UBE2E2: variants seen among roughly 807,000 people sequenced by gnomAD.
The protein encoded by UBE2E2 is ubiquitin-conjugating enzyme E2 E2.
In UBE2E2, 6 loss-of-function variants were observed where a neutral mutation model predicts 24.7. The observed-to-expected ratio is 0.24, with a 90% confidence interval of 0.13 to 0.48. The LOEUF (loss-of-function observed/expected upper bound fraction) is 0.48. Ranked by LOEUF, UBE2E2 falls within the 20% of genes least tolerant of loss-of-function variation. The probability of loss-of-function intolerance (pLI) is 0.99; values close to 1 mark genes in which losing one functional copy is unlikely to be tolerated. For missense variants in UBE2E2, 169 were observed against 245.0 expected (o/e 0.69, Z 2.07); for synonymous variants, 104 against 83.6 (o/e 1.24, Z -1.33).
At chr3:23,207,950 G>A (rs934383116) in intron 1 of UBE2E2, among the ~76,000 whole-genome samples, 11 of 151,812 alleles carry the variant, frequency 7.2e-5, no homozygotes. Context: ...TTTTATCACC[G>A]CACAGGGAAG....
At chr3:23,281,774 C>CA (rs1252745183) in intron 3 of UBE2E2, among the ~76,000 whole-genome samples, 2 of 152,016 alleles carry the variant, frequency 1.3e-5, no homozygotes, top group African/African-American at 2.4e-5. Context: ...ATTTCATTCG[C>CA]AGTAATATTA....
intron 3 of UBE2E2, among the ~76,000 whole-genome samples, chr3:23,423,922 C>T (rs1697862338): frequency 6.6e-6 from 1 of 152,260 alleles, no homozygotes; most frequent in South Asian, 2.1e-4. Flanking sequence ...TCACACCCTC[C>T]TTCAATTCAT....
chr3:23,208,735 A>G lies in UBE2E2; in HGVS notation c.36A>G (p.Pro12=). Residue 12 remains proline, a synonymous_variant, in exon 2 of 6, where the codon CCA becomes CCG. Transcript: ENST00000396703. The stretch of plus-strand genomic sequence containing the variant: ...AGGCACAAAGAGTTGATGACAGTCC[A>G]AGCACTAGTGGAGGAAGTTCCGATG... The part of the protein sequence containing the change: ...STEAQRVDDS[P]STSGGSSDGD... 6.2e-7 allele frequency: 1 copy of G among 1,613,312 alleles called. No individual in the cohort carries two copies.
chr3:23,284,306 A>G (rs896919165), intron 3 of UBE2E2, among the ~76,000 whole-genome samples: 33 of 152,176 alleles, frequency 2.2e-4, no homozygotes, highest in African/African-American at 7.7e-4. Flanking sequence ...AATAAATTAT[A>G]TGTGATTTTT....
rs546352823 is a variant in UBE2E2, at chr3:23,547,247, C to A, written c.508+14546C>A. On this transcript the variant is annotated intron_variant, in intron 5 of 5. Coordinates refer to ENST00000396703, the MANE Select transcript of UBE2E2 (RefSeq NM_152653.4). ...GACATTTTTTTCTGTGTCTGTTGTC[C>A]AGCTGTTTAGTAGGTTCTTGGTCTC... Among the ~76,000 whole-genome samples, 7 of 152,228 alleles carry A rather than the reference C, an allele frequency of 4.6e-5. No individual in the cohort carries two copies. In the South Asian group the frequency reaches 1.4e-3, roughly 32 times the overall value.
chr3:23,287,175 T>C (rs2125375867), intron 3 of UBE2E2, among the ~76,000 whole-genome samples: 1 of 152,238 alleles, frequency 6.6e-6, no homozygotes, highest in Admixed American at 6.5e-5. Context: ...TTTTCAGCAA[T>C]GATCATATGG....
At chr3:23,465,750 A>G (rs575705737) in intron 3 of UBE2E2, among the ~76,000 whole-genome samples, 104 of 152,354 alleles carry the variant, frequency 6.8e-4, no homozygotes, top group Admixed American at 2.0e-3. Context: ...AATGATAAGT[A>G]TCACCACATG....
intron 3 of UBE2E2, among the ~76,000 whole-genome samples, chr3:23,441,473 A>T (rs1038648242): frequency 2.0e-4 from 29 of 148,002 alleles, no homozygotes; most frequent in Middle Eastern, 3.5e-3. Flanking sequence ...CGGGAGGCAG[A>T]GCTTGCAGTG....
intron 3 of UBE2E2, among the ~76,000 whole-genome samples, chr3:23,466,660 T>A (rs1386410406): frequency 6.6e-6 from 1 of 152,042 alleles, no homozygotes; most frequent in African/African-American, 2.4e-5. Context: ...CTCCGCCTCC[T>A]GGGTTCAAGC....
chr3:23,335,582 G>T (rs551687304), intron 3 of UBE2E2, among the ~76,000 whole-genome samples: 38 of 152,290 alleles, frequency 2.5e-4, no homozygotes, highest in African/African-American at 8.4e-4. Flanking sequence ...TCAAGCTGTT[G>T]TGCAGTGGCA....
chr3:23,480,122 C>T lies in UBE2E2; in HGVS notation c.228-19486C>T, dbSNP rs139646064. Among the ~76,000 whole-genome samples, 347 of 152,290 alleles carry T rather than the reference C, an allele frequency of 2.3e-3. 3 individuals carry two copies. The highest frequency in any genetic ancestry group is 7.9e-3 in the African/African-American group (327 of 41,568). The stretch of plus-strand genomic sequence containing the variant: ...CACCCAGGCTGTCTGTGCCAAGAGG[C>T]GCCCACAGGTCCATGCCAAGCTGCC... On this transcript the variant is annotated intron_variant, in intron 3 of 5. Transcript: ENST00000396703.
intron 3 of UBE2E2, among the ~76,000 whole-genome samples, chr3:23,226,805 A>T (rs1262549630): frequency 6.6e-6 from 1 of 152,140 alleles, no homozygotes; most frequent in Non-Finnish European, 1.5e-5. Flanking sequence ...AATACTGAGT[A>T]AAAGAGAGTG....
chr3:23,396,102 G>A (rs1214209613), intron 3 of UBE2E2, among the ~76,000 whole-genome samples: 4 of 151,458 alleles, frequency 2.6e-5, no homozygotes, highest in Admixed American at 2.6e-4. Flanking sequence ...ACTTTTTAAT[G>A]CATTTTCTAT....
chr3:23,392,815 G>A (rs1696971385), intron 3 of UBE2E2, among the ~76,000 whole-genome samples: 1 of 152,148 alleles, frequency 6.6e-6, no homozygotes, highest in African/African-American at 2.4e-5. Flanking sequence ...CTTGAGATAT[G>A]ATATGGGTCT....
chr3:23,582,877 GTGTGTGTGTGTGTGTGT>G (rs1417545389), intron 5 of UBE2E2, among the ~76,000 whole-genome samples: 2 of 143,946 alleles, frequency 1.4e-5, no homozygotes, highest in Admixed American at 1.4e-4. Context: ...GTGTGTGTGT[GTGTGTGTGTGTGTGTGT>G]TGTGTGTTTG....
At chr3:23,333,882 G>A (rs1179597570) in intron 3 of UBE2E2, among the ~76,000 whole-genome samples, 1 of 152,094 alleles carries the variant, frequency 6.6e-6, no homozygotes, top group Non-Finnish European at 1.5e-5. Context: ...TAGGTAACTA[G>A]CCTAAGATAA....
At chr3:23,217,419 A>T in intron 3 of UBE2E2, 107 bp downstream of exon 3, 1 of 1,024,634 alleles carries the variant, frequency 9.8e-7, no homozygotes, top group Non-Finnish European at 1.5e-6. Flanking sequence ...TAGTAAAAAC[A>T]TCATTGTTGT....
chr3:23,242,931 C>A (rs577811952), intron 3 of UBE2E2, among the ~76,000 whole-genome samples: 1 of 151,924 alleles, frequency 6.6e-6, no homozygotes, highest in African/African-American at 2.4e-5. Context: ...ACTAAAAACA[C>A]AAAACTTAGG....
At chr3:23,237,485 G>C (rs1225862010) in intron 3 of UBE2E2, among the ~76,000 whole-genome samples, 3 of 152,094 alleles carry the variant, frequency 2.0e-5, no homozygotes, top group Admixed American at 2.0e-4. Flanking sequence ...CCTTTCATCT[G>C]TTTGTAGAAG....
Sources: allele counts gnomAD v4.1 joint callset (sites outside exome capture counted in the v4.1 genomes callset), GRCh38; gene constraint gnomAD v4.1.1; transcripts MANE v1.5; gene names NCBI Gene and HGNC (gene_info 2026-07-23, HGNC 2026-07-21).